Variants in ARMC2 observed in about 807,000 individuals in gnomAD.
ARMC2 encodes armadillo repeat-containing protein 2.
ARMC2 carries 67 observed loss-of-function variants against 90.3 expected under a neutral mutation model. The observed-to-expected ratio is 0.74, with a 90% CI of 0.61 to 0.91. The LOEUF is 0.91. ARMC2 is among the 40% of genes least tolerant of loss of function. The pLI, the probability that ARMC2 is intolerant of heterozygous loss-of-function variation, is 0.00. For synonymous variants in ARMC2, 393 were observed against 393.0 expected (o/e 1.00, Z 0.00); for missense variants, 920 against 1,030.9 (o/e 0.89, Z 1.47).
intron 8 of ARMC2, among the ~76,000 whole-genome samples, chr6:108,909,733 AC>A (rs1332370096): frequency 1.3e-5 from 2 of 152,012 alleles, no homozygotes; most frequent in Non-Finnish European, 2.9e-5. Context: ...ATGGGGTTTC[AC>A]CACGTTGGTC....
At chr6:109,029,785 G>C in the ARMC2 span, among the ~76,000 whole-genome samples, 1 of 152,030 alleles carries the variant, frequency 6.6e-6, no homozygotes, top group Non-Finnish European at 1.5e-5. Flanking sequence ...TCCCACTTTG[G>C]CCTCCCAAAG....
At chr6:108,995,192 T>C in the ARMC2 span, among the ~76,000 whole-genome samples, 1 of 152,168 alleles carries the variant, frequency 6.6e-6, no homozygotes. Flanking sequence ...TCATTACCAT[T>C]TATGCTGTTT....
chr6:109,007,208 G>A, the ARMC2 span, among the ~76,000 whole-genome samples: 2 of 152,206 alleles, frequency 1.3e-5, no homozygotes, highest in East Asian at 3.8e-4. Flanking sequence ...AATGTTGACA[G>A]TAGTACCACA....
chr6:108,973,626 GA>G lies in ARMC2; in HGVS notation c.*114del. On this transcript the variant is annotated 3_prime_UTR_variant, in exon 18 of 18. Coordinates refer to ENST00000392644, the MANE Select transcript of ARMC2 (RefSeq NM_032131.6). Reference sequence around the variant, plus strand: ...TTAACAAATGTGGAAAGTTTTTCAAGAACTGGTTTTAGTGAGTAGCTGAAGT... The same window carrying G: ...TTAACAAATGTGGAAAGTTTTTCAAGACTGGTTTTAGTGAGTAGCTGAAGT... 2 of 1,151,688 alleles carry G rather than the reference GA, an allele frequency of 1.7e-6. No individual in the cohort carries two copies. The highest frequency in any genetic ancestry group is 2.4e-6 in the Non-Finnish European group (2 of 838,206). 71.3% of individuals were successfully genotyped at this position (1,151,688 alleles called of 1,614,324 possible).
intron 5 of ARMC2, among the ~76,000 whole-genome samples, chr6:108,881,044 TG>T (rs1242790920): frequency 6.6e-6 from 1 of 151,784 alleles, no homozygotes; most frequent in African/African-American, 2.4e-5. Flanking sequence ...TTAGTAGAGA[TG>T]GGGTTTCACC....
rs559036147 is a variant in ARMC2 at position 108,885,282 on chromosome 6, C to T, written c.671+8932C>T. Among the ~76,000 whole-genome samples, 3 of 152,060 alleles carry T rather than the reference C, an allele frequency of 2.0e-5. No individual in the cohort carries two copies. In the East Asian group the frequency reaches 5.8e-4, roughly 29 times the overall value. The stretch of plus-strand genomic sequence containing the variant: ...TTTTAGTCTTGTGCCCAAGCCAACA[C>T]TATTAAGTACCTTGGAGGACTTTCT... On this transcript the variant is annotated intron_variant, in intron 5 of 17. Coordinates refer to ENST00000392644, the MANE Select transcript of ARMC2 (RefSeq NM_032131.6).
the ARMC2 span, among the ~76,000 whole-genome samples, chr6:108,991,413 TA>T: frequency 6.6e-6 from 1 of 152,198 alleles, no homozygotes; most frequent in Non-Finnish European, 1.5e-5. Flanking sequence ...TGGCTACTTT[TA>T]AAATTATTTG....
the ARMC2 span, among the ~76,000 whole-genome samples, chr6:109,036,114 C>T: frequency 6.6e-6 from 1 of 152,156 alleles, no homozygotes; most frequent in Non-Finnish European, 1.5e-5. Context: ...GGACCTTTTC[C>T]TACCAAGGTA....
At chr6:109,050,250 A>C in the ARMC2 span, among the ~76,000 whole-genome samples, 1 of 152,188 alleles carries the variant, frequency 6.6e-6, no homozygotes, top group Non-Finnish European at 1.5e-5. Context: ...TCAAAGACTG[A>C]CCAATTGTGC....
the ARMC2 span, among the ~76,000 whole-genome samples, chr6:109,038,484 GC>G: frequency 0.2 from 30,255 of 152,108 alleles, 3,730 homozygotes; most frequent in African/African-American, 0.34. Context: ...GTAAGACAAA[GC>G]CAAGACTTGT....
chr6:109,006,455 T>A, the ARMC2 span, among the ~76,000 whole-genome samples: 9 of 52,902 alleles, frequency 1.7e-4, no homozygotes, highest in East Asian at 2.1e-3. Context: ...CCCCACCCCC[T>A]ACCCCACGAC....
chr6:108,971,150 G>A (rs1163367035), intron 17 of ARMC2, among the ~76,000 whole-genome samples: 1 of 150,662 alleles, frequency 6.6e-6, no homozygotes, highest in African/African-American at 2.4e-5. Flanking sequence ...CTTGAATCTG[G>A]GACATGAAGG....
intron 10 of ARMC2, among the ~76,000 whole-genome samples, chr6:108,915,967 C>T (rs1773923537): frequency 6.6e-6 from 1 of 152,102 alleles, no homozygotes; most frequent in Non-Finnish European, 1.5e-5. Flanking sequence ...AACACAGCAG[C>T]CCCAGTTAAG....
intron 10 of ARMC2, among the ~76,000 whole-genome samples, chr6:108,923,393 C>A (rs1278216434): frequency 6.6e-6 from 1 of 150,726 alleles, no homozygotes; most frequent in Non-Finnish European, 1.5e-5. Context: ...AGTGGGTGGG[C>A]TTTTCTTGAG....
the ARMC2 span, among the ~76,000 whole-genome samples, chr6:109,005,553 T>C: frequency 2.0e-5 from 3 of 152,204 alleles, no homozygotes; most frequent in Non-Finnish European, 4.4e-5. Context: ...CAAATTATTA[T>C]AAAACAATAG....
chr6:108,885,680 A>AAAAAAG (rs1554241215), intron 5 of ARMC2, among the ~76,000 whole-genome samples: 10 of 152,106 alleles, frequency 6.6e-5, no homozygotes, highest in African/African-American at 2.2e-4. Context: ...TCGCAAAAAA[A>AAAAAAG]AAAAGAAAAG....
chr6:108,854,012 C>T (rs1419024789), intron 1 of ARMC2, among the ~76,000 whole-genome samples: 3 of 151,980 alleles, frequency 2.0e-5, no homozygotes, highest in Admixed American at 6.6e-5. Context: ...GGTTTTCTTT[C>T]CTGCACATCT....
At chr6:108,907,703 G>A (rs1190184260) in intron 8 of ARMC2, 10 of 1,608,832 alleles carry the variant, frequency 6.2e-6, no homozygotes, top group South Asian at 2.2e-5. Context: ...GGTAACCCCC[G>A]AGATGCTCCC....
At chr6:108,873,708 C>T (rs182480131) in intron 4 of ARMC2, among the ~76,000 whole-genome samples, 1 of 152,180 alleles carries the variant, frequency 6.6e-6, no homozygotes, top group Non-Finnish European at 1.5e-5. Context: ...TCACTCCAGA[C>T]TTTTGTTCTC....
Sources: allele counts gnomAD v4.1 joint callset (sites outside exome capture counted in the v4.1 genomes callset), GRCh38; gene constraint gnomAD v4.1.1; transcripts MANE v1.5; gene names NCBI Gene and HGNC (gene_info 2026-07-23, HGNC 2026-07-21).